ANO5: variants seen among roughly 807,000 people sequenced by gnomAD.
The protein encoded by ANO5 is anoctamin-5.
Under a neutral mutation model 121.0 loss-of-function variants are expected in ANO5, and 109 were observed. The observed-to-expected ratio is 0.90, with a 90% CI of 0.77 to 1.06. The LOEUF is 1.06. Ranked by LOEUF, ANO5 falls within the 50% of genes least tolerant of loss-of-function variation. The probability of loss-of-function intolerance (pLI) is 0.00; values close to 1 mark genes in which losing one functional copy is unlikely to be tolerated. For synonymous variants in ANO5, 406 were observed against 359.9 expected, an observed-to-expected ratio of 1.13 and a Z score of -1.45; for missense variants, 1,064 against 1,078.5, an observed-to-expected ratio of 0.99 and a Z score of 0.19.
chr11:22,227,295 A>G lies in ANO5; in HGVS notation c.364-7A>G. On this transcript the variant is annotated splice_polypyrimidine_tract_variant and splice_region_variant and intron_variant, in intron 6 of 21. Transcript: ENST00000324559. ...CTTTCTGCTGTTTTGCCTTTTTTTT[A>G]ATGCAGGACTCGGAAGATGGAAGAA... is the stretch of plus-strand genomic sequence containing the variant. The G allele has an allele frequency of 1.9e-6, 3 of 1,612,958 alleles. No individual in the cohort carries two copies. The highest frequency in any genetic ancestry group is 2.5e-6 in the Non-Finnish European group (3 of 1,179,522).
Position 22,279,738 on chromosome 11 carries a change from A to C in ANO5, c.2715A>C (p.Lys905Asn), listed in dbSNP as rs760778866. ...FAKHVMIEENKAQLAKSTL is the reference protein window; with the variant it reads ...FAKHVMIEENNAQLAKSTL ...AGCATGTCATGATTGAGGAAAACAA[A>C]GCACAGCTGGCTAAATCAACACTCT... The change falls in exon 22 of 22, where the codon AAA (lysine) becomes AAC (asparagine). Residue 905 changes from lysine (K) to asparagine (N), a missense_variant. By Grantham distance (94) the Lys-to-Asn change is moderately conservative. Coordinates refer to ENST00000324559, the MANE Select transcript of ANO5 (RefSeq NM_213599.3). The C allele has an allele frequency of 2.5e-6, 4 of 1,612,750 alleles. No individual in the cohort carries two copies. Among genetic ancestry groups the C allele is most frequent in the South Asian group, 1.1e-5 (1 of 91,050 alleles).
intron 3 of ANO5, among the ~76,000 whole-genome samples, chr11:22,211,731 A>G (rs1301716512): frequency 6.6e-6 from 1 of 151,924 alleles, no homozygotes; most frequent in Non-Finnish European, 1.5e-5. Context: ...ATGAAAAAGT[A>G]CAATTCATTT....
intron 7 of ANO5, 47 bp from the exon 8 acceptor site, chr11:22,236,116 C>G (rs772521383): frequency 1.6e-6 from 2 of 1,224,364 alleles, no homozygotes; most frequent in Non-Finnish European, 2.4e-6. Context: ...ATGTGGAAAG[C>G]ATAAAGTTCT....
Position 22,283,270 on chromosome 11 carries a change from T to G in ANO5, c.*3505T>G, listed in dbSNP as rs965835667. The G allele has an allele frequency of 6.6e-6, 1 of 152,212 alleles. No homozygotes were observed. Among genetic ancestry groups the G allele is most frequent in the Non-Finnish European group, 1.5e-5 (1 of 68,044 alleles). The allele number at this position is 152,212 out of a possible 1,614,324, so 9.4% of individuals were successfully genotyped here. On this transcript the variant is annotated 3_prime_UTR_variant, in exon 22 of 22. Transcript: ENST00000324559. Reference sequence around the variant, plus strand: ...TTCCAGGAAGAGAAATATGCAGTTATGCAGGAAAAGCTCTCTTAAATAATG... The same window carrying G: ...TTCCAGGAAGAGAAATATGCAGTTAGGCAGGAAAAGCTCTCTTAAATAATG...
chr11:22,266,882 C>T (rs1352637111), intron 17 of ANO5, among the ~76,000 whole-genome samples: 5 of 152,174 alleles, frequency 3.3e-5, no homozygotes, highest in Non-Finnish European at 4.4e-5. Flanking sequence ...TCATCCCTCT[C>T]CAGTTGGGAC....
intron 17 of ANO5, among the ~76,000 whole-genome samples, chr11:22,268,097 A>G (rs1854437196): frequency 6.6e-6 from 1 of 152,098 alleles, no homozygotes; most frequent in South Asian, 2.1e-4. Flanking sequence ...CTAAATCTTG[A>G]TATCTGGTGG....
chr11:22,221,790 G>T (rs937530366), intron 5 of ANO5, among the ~76,000 whole-genome samples: 20 of 151,924 alleles, frequency 1.3e-4, no homozygotes, highest in African/African-American at 4.8e-4. Context: ...CTCAATATTT[G>T]AAATCATAAA....
intron 1 of ANO5, 121 bp from the exon 2 acceptor site, chr11:22,203,683 T>C: frequency 1.6e-6 from 1 of 624,956 alleles, no homozygotes; most frequent in Non-Finnish European, 2.8e-6. Context: ...TCTTTTCTTC[T>C]AGTATTTTTT....
chr11:22,195,992 T>A (rs1396488695), intron 1 of ANO5, among the ~76,000 whole-genome samples: 7 of 152,182 alleles, frequency 4.6e-5, no homozygotes, highest in Non-Finnish European at 7.3e-5. Flanking sequence ...GCCACTCATA[T>A]GACTCGTATA....
chr11:22,242,516 A>G (rs1853466420), intron 9 of ANO5, among the ~76,000 whole-genome samples: 1 of 152,040 alleles, frequency 6.6e-6, no homozygotes, highest in Admixed American at 6.6e-5. Flanking sequence ...TGATTCTTCC[A>G]ATCCATGAAC....
intron 16 of ANO5, among the ~76,000 whole-genome samples, chr11:22,262,628 A>G (rs544914457): frequency 6.6e-6 from 1 of 152,314 alleles, no homozygotes; most frequent in Non-Finnish European, 1.5e-5. Context: ...TAGAGTTAGA[A>G]CAGATCCATG....
chr11:22,193,654 C>A, intron 1 of ANO5, 122 bp downstream of exon 1: 1 of 1,269,496 alleles, frequency 7.9e-7, no homozygotes, highest in Non-Finnish European at 1.1e-6. Context: ...GGGAGGTTCG[C>A]TGCGTGGCGT....
At chr11:22,206,562 C>A (rs1298043536) in intron 2 of ANO5, among the ~76,000 whole-genome samples, 1 of 152,114 alleles carries the variant, frequency 6.6e-6, no homozygotes, top group Non-Finnish European at 1.5e-5. Context: ...GATCCGCCTA[C>A]CTTGGCCTCC....
chr11:22,262,466 C>T (rs1308097765), intron 16 of ANO5, among the ~76,000 whole-genome samples, 168 bp downstream of exon 16: 1 of 152,140 alleles, frequency 6.6e-6, no homozygotes, highest in Non-Finnish European at 1.5e-5. Context: ...ATTTGATAAA[C>T]TTCTCAGTTT....
chr11:22,253,290 CT>C (rs141171988), intron 12 of ANO5, among the ~76,000 whole-genome samples: 19,071 of 151,962 alleles, frequency 0.13, 3,417 homozygotes, highest in African/African-American at 0.39. Context: ...CATCATTTCT[CT>C]TTCCTTACAG....
At chr11:22,278,165 T>G (rs1044722673) in intron 21 of ANO5, 9 of 151,730 alleles carry the variant, frequency 5.9e-5, no homozygotes, top group Admixed American at 2.0e-4. Flanking sequence ...TATTATCTAT[T>G]TTTAAAATCA....
intron 15 of ANO5, chr11:22,261,206 G>A (rs946429382): frequency 2.0e-5 from 3 of 152,202 alleles, no homozygotes; most frequent in African/African-American, 7.2e-5. Flanking sequence ...ACCTGAGACT[G>A]GGTAGTTTGT....
chr11:22,233,939 G>C (rs1379346498), intron 7 of ANO5, among the ~76,000 whole-genome samples: 1 of 152,200 alleles, frequency 6.6e-6, no homozygotes, highest in Admixed American at 6.6e-5. Context: ...TCCACCGCTT[G>C]GTAGCCATTG....
intron 1 of ANO5, among the ~76,000 whole-genome samples, chr11:22,194,144 C>T (rs771555474): frequency 2.3e-4 from 35 of 152,154 alleles, no homozygotes; most frequent in Non-Finnish European, 4.3e-4. Context: ...TTTCATTAAG[C>T]CCTTTAGTTC....
Sources: allele counts gnomAD v4.1 joint callset (sites outside exome capture counted in the v4.1 genomes callset), GRCh38; gene constraint gnomAD v4.1.1; transcripts MANE v1.5; gene names NCBI Gene and HGNC (gene_info 2026-07-23, HGNC 2026-07-21).